DOCK7: variants seen among roughly 807,000 people sequenced by gnomAD.
DOCK7 encodes the protein dedicator of cytokinesis 7.
DOCK7 carries 138 observed loss-of-function variants against 271.0 expected under a neutral mutation model. The observed-to-expected ratio is 0.51, with a 90% CI of 0.44 to 0.59. The LOEUF is 0.59. Ranked by LOEUF, DOCK7 falls within the 20% of genes least tolerant of loss-of-function variation. The pLI, the probability that DOCK7 is intolerant of heterozygous loss-of-function variation, is 0.00. For missense variants in DOCK7, 2,066 were observed against 2,592.4 expected (o/e 0.80, Z 4.41); for synonymous variants, 823 against 876.1 (o/e 0.94, Z 1.07).
At chr1:62,632,893 C>T (rs1654798266) in intron 10 of DOCK7, among the ~76,000 whole-genome samples, 1 of 152,022 alleles carries the variant, frequency 6.6e-6, no homozygotes, top group Admixed American at 6.5e-5. Context: ...AGGAGAATCA[C>T]TTGAACCCAG....
chr1:62,472,342 T>C (rs1645856035), intron 48 of DOCK7, among the ~76,000 whole-genome samples: 1 of 152,148 alleles, frequency 6.6e-6, no homozygotes, highest in Non-Finnish European at 1.5e-5. Context: ...TGAGCTCTGG[T>C]GATCCACCCG....
At chr1:62,491,813 T>C (rs1279819210) in intron 41 of DOCK7, among the ~76,000 whole-genome samples, 3 of 151,986 alleles carry the variant, frequency 2.0e-5, no homozygotes, top group African/African-American at 7.2e-5. Context: ...TTTTGCTACG[T>C]TTTTTAACTT....
chr1:62,629,300 A>T (rs1654329107), intron 11 of DOCK7: 3 of 152,254 alleles, frequency 2.0e-5, no homozygotes, highest in African/African-American at 7.2e-5. Context: ...TGACGTTTCA[A>T]CACTATGAAA....
intron 46 of DOCK7, 42 bp downstream of exon 46, chr1:62,475,665 G>A (rs781062961): frequency 1.9e-6 from 3 of 1,540,138 alleles, no homozygotes; most frequent in African/African-American, 1.4e-5. Flanking sequence ...TGGCTTGAAT[G>A]TATTTGCTTC....
At chr1:62,506,686 G>A (rs1012022690) in intron 35 of DOCK7, among the ~76,000 whole-genome samples, 2 of 151,658 alleles carry the variant, frequency 1.3e-5, no homozygotes, top group African/African-American at 4.8e-5. Context: ...AGTGGCTCAC[G>A]CCTGTAATCC....
At chr1:62,680,060 A>C (rs1471610359) in intron 1 of DOCK7, among the ~76,000 whole-genome samples, 1 of 152,236 alleles carries the variant, frequency 6.6e-6, no homozygotes, top group Non-Finnish European at 1.5e-5. Flanking sequence ...GTGGAACCAA[A>C]AAAGGGCCCA....
chr1:62,614,267 T>C (rs1652169302), intron 14 of DOCK7, among the ~76,000 whole-genome samples: 1 of 152,092 alleles, frequency 6.6e-6, no homozygotes, highest in Non-Finnish European at 1.5e-5. Flanking sequence ...TTGTCATACA[T>C]CCCTTTTCGT....
intron 14 of DOCK7, among the ~76,000 whole-genome samples, chr1:62,618,338 G>A (rs995457178): frequency 2.6e-5 from 4 of 152,108 alleles, no homozygotes; most frequent in African/African-American, 9.7e-5. Context: ...GTAATTAGGA[G>A]TTCAAATGTT....
intron 48 of DOCK7, among the ~76,000 whole-genome samples, chr1:62,463,956 AT>A (rs1645601895): frequency 6.6e-6 from 1 of 152,184 alleles, no homozygotes; most frequent in Non-Finnish European, 1.5e-5. Context: ...TATAAATATT[AT>A]TTTCAATCTA....
intron 37 of DOCK7, 38 bp from the exon 38 acceptor site, chr1:62,496,535 G>T (rs1376210174): frequency 1.9e-6 from 3 of 1,549,060 alleles, no homozygotes; most frequent in African/African-American, 2.8e-5. Flanking sequence ...ACTTAATATA[G>T]AAAAGCTTTA....
chr1:62,476,731 G>A (rs1056213173), intron 44 of DOCK7, among the ~76,000 whole-genome samples: 1 of 152,166 alleles, frequency 6.6e-6, no homozygotes, highest in African/African-American at 2.4e-5. Flanking sequence ...CATGGGTAAA[G>A]GATGAAGCTA....
chr1:62,611,746 A>G (rs1259943842), intron 14 of DOCK7, among the ~76,000 whole-genome samples: 1 of 152,142 alleles, frequency 6.6e-6, no homozygotes, highest in Non-Finnish European at 1.5e-5. Flanking sequence ...AAATTTAATC[A>G]GTATATAATA....
At chr1:62,514,610 G>A (rs969207466) in intron 31 of DOCK7, among the ~76,000 whole-genome samples, 4 of 151,846 alleles carry the variant, frequency 2.6e-5, no homozygotes, top group South Asian at 2.1e-4. Context: ...CAAGCAGGTC[G>A]TATCATCCCA....
intron 31 of DOCK7, among the ~76,000 whole-genome samples, chr1:62,526,525 A>G (rs1645014702): frequency 6.6e-6 from 1 of 152,178 alleles, no homozygotes; most frequent in Non-Finnish European, 1.5e-5. Context: ...AAGTCTCTAA[A>G]AATGTTAAAC....
chr1:62,475,085 G>T, intron 47 of DOCK7, 123 bp downstream of exon 47: 1 of 1,128,144 alleles, frequency 8.9e-7, no homozygotes, highest in Non-Finnish European at 1.2e-6. Flanking sequence ...CGCATAGGTA[G>T]AAAAATACAG....
chr1:62,552,215 TG>T (rs1448410862), intron 22 of DOCK7, among the ~76,000 whole-genome samples: 4 of 150,062 alleles, frequency 2.7e-5, no homozygotes, highest in African/African-American at 9.8e-5. Context: ...TAAATGTGTG[TG>T]GGGGGTGGGG....
intron 12 of DOCK7, among the ~76,000 whole-genome samples, chr1:62,623,815 T>A (rs1252251697): frequency 6.6e-6 from 1 of 152,198 alleles, no homozygotes; most frequent in Non-Finnish European, 1.5e-5. Flanking sequence ...CTTTTTTTCC[T>A]GTGAGTTTCT....
In DOCK7 at chr1:62,489,016, A is replaced by C; in HGVS notation, c.5411T>G (p.Ile1804Ser). 1 of 1,613,100 alleles carries C rather than the reference A, an allele frequency of 6.2e-7. No homozygotes were observed. The highest frequency in any genetic ancestry group is 2.2e-5 in the East Asian group (1 of 44,764). The part of the protein sequence containing the change: ...VNEVYKVLIP[I>S]HEANRDAKKL... ...CTTTGCATCCCGATTAGCTTCATGA[A>C]TAGGAATAAGTACTTTGTAAACTTC... The change falls in exon 42 of 50, where the codon ATT (isoleucine) becomes AGT (serine). Residue 1804 changes from isoleucine to serine, a missense_variant. By Grantham distance (142) the Ile-to-Ser change is moderately radical (BLOSUM62 -2). Around this residue, in one of 2 missense-constraint regions of DOCK7, gnomAD observed 652 missense variants for 922.1 expected, o/e 0.71. Coordinates refer to ENST00000635253, the MANE Select transcript of DOCK7 (RefSeq NM_001367561.1).
intron 2 of DOCK7, among the ~76,000 whole-genome samples, chr1:62,660,889 A>C (rs751055117): frequency 2.1e-4 from 32 of 152,198 alleles, no homozygotes; most frequent in Non-Finnish European, 1.9e-4. Context: ...ACTTGAACCC[A>C]GGAGTTCAAG....
Sources: gnomAD v4.1 joint callset for allele counts (sites outside exome capture counted in the v4.1 genomes callset) on GRCh38, gnomAD v4.1.1 for gene constraint, gnomAD v4.1.1 regional missense constraint, MANE v1.5 for transcripts, NCBI Gene and HGNC (gene_info 2026-07-23, HGNC 2026-07-21) for gene names.